The following DOCK9 variants were observed in gnomAD, a reference collection of about 807,000 sequenced individuals.
The protein encoded by DOCK9 is dedicator of cytokinesis 9, also known as dedicator of cytokinesis protein 9.
In DOCK9, 89 loss-of-function variants were observed where a neutral mutation model predicts 263.3. The observed-to-expected ratio is 0.34, with a 90% CI of 0.28 to 0.40. The LOEUF is 0.40. Ranked by LOEUF, DOCK9 falls within the 10% of genes least tolerant of loss-of-function variation. DOCK9 has a pLI of 1.00. For synonymous variants in DOCK9, 976 were observed against 973.1 expected (o/e 1.00, Z -0.06); for missense variants, 2,140 against 2,603.4 (o/e 0.82, Z 3.87).
intron 41 of DOCK9, among the ~76,000 whole-genome samples, 197 bp downstream of exon 41, chr13:98,831,151 C>A (rs1234223538): frequency 2.0e-5 from 3 of 152,214 alleles, no homozygotes; most frequent in African/African-American, 7.2e-5. Context: ...AATTTACCAA[C>A]AGAAACGCAT....
chr13:98,892,306 T>G (rs2046744724), intron 15 of DOCK9, among the ~76,000 whole-genome samples: 1 of 152,176 alleles, frequency 6.6e-6, no homozygotes, highest in African/African-American at 2.4e-5. Context: ...CTAGCAGTCC[T>G]CCCATGCCAA....
At chr13:98,963,359 G>A (rs534049396) in intron 1 of DOCK9, among the ~76,000 whole-genome samples, 1 of 152,326 alleles carries the variant, frequency 6.6e-6, no homozygotes, top group East Asian at 1.9e-4. Flanking sequence ...CCAGGAAAAT[G>A]AGATTCCTCT....
intron 38 of DOCK9, among the ~76,000 whole-genome samples, chr13:98,841,000 T>C (rs1257963806): frequency 6.6e-6 from 1 of 152,196 alleles, no homozygotes; most frequent in Non-Finnish European, 1.5e-5. Flanking sequence ...CAAACATTTT[T>C]GCAAAATATC....
chr13:98,841,019 C>A (rs986026766), intron 38 of DOCK9, among the ~76,000 whole-genome samples: 2 of 152,166 alleles, frequency 1.3e-5, no homozygotes, highest in African/African-American at 2.4e-5. Flanking sequence ...TCAAACTGAT[C>A]AATATCTACA....
chr13:98,831,521 T>C lies in DOCK9; in HGVS notation c.4462A>G (p.Thr1488Ala). The C allele has an allele frequency of 6.3e-7, 1 of 1,586,120 alleles. No individual in the cohort carries two copies. The highest frequency in any genetic ancestry group is 8.6e-7 in the Non-Finnish European group (1 of 1,165,592). Residue 1488 changes from threonine to alanine, a missense_variant, in exon 41 of 53, where the codon ACA becomes GCA. Thr to Ala is a moderately conservative substitution (Grantham distance 58). Around this residue, in one of 2 missense-constraint regions of DOCK9, gnomAD observed 619 missense variants for 861.8 expected, o/e 0.72. Coordinates refer to ENST00000682017, the MANE Select transcript of DOCK9 (RefSeq NM_001366683.2). ...ATGTCCGCTCTCCCTTCATAGAATG[T>C]TGAGGGAAACTAGACAGGATGAGAG... ...LRSLIYKFPS[T>A]FYEGRADMCA...
chr13:98,904,649 A>C lies in DOCK9; in HGVS notation c.1018T>G (p.Leu340Val). The C allele has an allele frequency of 1.3e-6, 2 of 1,557,108 alleles. No individual in the cohort carries two copies. Among genetic ancestry groups the C allele is most frequent in the African/African-American group, 1.4e-5 (1 of 73,606 alleles). ...GTTCTTACCTGGGCATCTGGGTCCA[A>C]ATAAAAAAGTTTGACTCTGCTTTCA... ...KSESRVKLFY[L>V]DPDAQKLDFS... is the part of the protein sequence containing the mutation. Residue 340 changes from leucine to valine, a missense_variant, in exon 10 of 53, where the codon TTG (leucine) becomes GTG (valine). Leu to Val is a conservative substitution (Grantham distance 32). Coordinates refer to ENST00000682017, the MANE Select transcript of DOCK9 (RefSeq NM_001366683.2).
At chr13:99,086,140 C>A (rs1596074046) in intron 1 of DOCK9, 1 of 1,387,222 alleles carries the variant, frequency 7.2e-7, no homozygotes, top group Non-Finnish European at 9.3e-7. Flanking sequence ...TCAGCCCTGC[C>A]GACTAAGAGG....
chr13:98,955,303 A>G, intron 2 of DOCK9, 132 bp downstream of exon 2: 1 of 574,398 alleles, frequency 1.7e-6, no homozygotes. Flanking sequence ...TGCGTGACAG[A>G]GCAAGACTGT....
intron 18 of DOCK9, 53 bp downstream of exon 18, chr13:98,888,105 G>T: frequency 7.5e-7 from 1 of 1,334,744 alleles, no homozygotes; most frequent in South Asian, 1.3e-5. Flanking sequence ...AGTGCATTTT[G>T]AAAATGGAAA....
chr13:98,845,848 G>C (rs1247490745), intron 38 of DOCK9, 76 bp downstream of exon 38: 2 of 1,552,578 alleles, frequency 1.3e-6, no homozygotes, highest in Non-Finnish European at 1.8e-6. Flanking sequence ...GATGTGGTAG[G>C]TGTGGCCTAG....
chr13:98,919,718 C>A (rs1199190347), intron 7 of DOCK9, among the ~76,000 whole-genome samples: 1 of 152,232 alleles, frequency 6.6e-6, no homozygotes, highest in African/African-American at 2.4e-5. Context: ...TCTGAGATTG[C>A]TTGGGCAGCT....
chr13:98,913,287 G>C (rs1470241095), intron 9 of DOCK9, among the ~76,000 whole-genome samples: 1 of 152,112 alleles, frequency 6.6e-6, no homozygotes, highest in Non-Finnish European at 1.5e-5. Flanking sequence ...TATCAAAAAA[G>C]AATAGAAGGG....
chr13:98,950,525 A>C (rs2057286606), intron 2 of DOCK9: 1 of 368,238 alleles, frequency 2.7e-6, no homozygotes, highest in Non-Finnish European at 4.9e-6. Flanking sequence ...GTGGTCTTGA[A>C]CTTCTAGGCT....
chr13:98,825,955 A>C lies in DOCK9; in HGVS notation c.5023+875T>G. On this transcript the variant is annotated intron_variant, in intron 44 of 52. Transcript: ENST00000682017. The surrounding 1 kb of genome is among the most constrained non-coding windows in gnomAD (Gnocchi z 4.1). ...CTGGACTGCTTCTAAACATGAGGAA[A>C]TGCATCACCTGATAAAAGGTCTCAA... 1 of 1,522,950 alleles carries C rather than the reference A, an allele frequency of 6.6e-7. No homozygotes were observed. The highest frequency in any genetic ancestry group is 1.4e-5 in the African/African-American group (1 of 71,948). 94.3% of individuals were successfully genotyped at this position (1,522,950 alleles called of 1,614,324 possible). A position where few individuals can be genotyped will look rare whatever the true frequency, so the allele number is the denominator to read the frequency against.
At chr13:98,954,897 C>CACACACACACACA (rs1267820966) in intron 2 of DOCK9, among the ~76,000 whole-genome samples, 1 of 149,826 alleles carries the variant, frequency 6.7e-6, no homozygotes, top group Non-Finnish European at 1.5e-5. Flanking sequence ...CACACACACA[C>CACACACACACACA]ATTTTGGCAT....
rs1024832574 is a variant in DOCK9, at chr13:98,803,510, C to T, written c.5725+1489G>A. On this transcript the variant is annotated intron_variant, in intron 49 of 52. Transcript: ENST00000682017. ...CCCAGAGTTTCTGATCCAGCAGTTT[C>T]GGAGGTGGGGACCTGGAACTTCCAT... Among the ~76,000 whole-genome samples the T allele has an allele frequency of 2.6e-5, 4 of 152,290 alleles. No individual in the cohort carries two copies. In the South Asian group the frequency reaches 6.2e-4, roughly 24 times the overall value.
At chr13:98,941,840 T>A (rs2055908178) in intron 2 of DOCK9, among the ~76,000 whole-genome samples, 1 of 152,198 alleles carries the variant, frequency 6.6e-6, no homozygotes, top group South Asian at 2.1e-4. Flanking sequence ...AGCTCCCTAG[T>A]AACCTGGCGT....
intron 1 of DOCK9, among the ~76,000 whole-genome samples, chr13:98,960,750 C>A (rs188142094): frequency 2.2e-4 from 33 of 152,274 alleles, no homozygotes; most frequent in African/African-American, 7.2e-4. Flanking sequence ...GTCAGGAGCT[C>A]CAGGAGCAGG....
chr13:98,968,629 C>T (rs184755526), intron 1 of DOCK9, among the ~76,000 whole-genome samples: 1 of 152,256 alleles, frequency 6.6e-6, no homozygotes, highest in Admixed American at 6.5e-5. Context: ...CAAAAAATAA[C>T]AGAGCAGAAA....
Sources: gnomAD v4.1 joint callset for allele counts (sites outside exome capture counted in the v4.1 genomes callset) on GRCh38, gnomAD v4.1.1 for gene constraint, gnomAD v4.1.1 regional missense constraint, Gnocchi (gnomAD v3.1) non-coding constraint, MANE v1.5 for transcripts, NCBI Gene and HGNC (gene_info 2026-07-23, HGNC 2026-07-21) for gene names.